Variants in ZNF793 observed in about 807,000 individuals in gnomAD.
The protein encoded by ZNF793 is zinc finger protein 793.
Under a neutral mutation model 12.4 loss-of-function variants are expected in ZNF793, and 5 were observed. That is an observed-to-expected ratio of 0.40 (90% confidence interval 0.21 to 0.84). The LOEUF (loss-of-function observed/expected upper bound fraction) is 0.84. ZNF793 is among the 40% of genes least tolerant of loss of function. The pLI, the probability that ZNF793 is intolerant of heterozygous loss-of-function variation, is 0.35. For missense variants in ZNF793, 456 were observed against 495.0 expected (o/e 0.92, Z 0.75); for synonymous variants, 162 against 172.4 (o/e 0.94, Z 0.47).
intron 2 of ZNF793, among the ~76,000 whole-genome samples, chr19:37,509,181 C>G (rs2147051315): frequency 6.6e-6 from 1 of 152,286 alleles, no homozygotes; most frequent in Non-Finnish European, 1.5e-5. Flanking sequence ...GTGTAACTAT[C>G]ACTTGAATAA....
chr19:37,521,340 C>T (rs1016139313), intron 3 of ZNF793, among the ~76,000 whole-genome samples: 1 of 150,812 alleles, frequency 6.6e-6, no homozygotes, highest in African/African-American at 2.4e-5. Flanking sequence ...CCAGGCTGGT[C>T]TCGAACTTAC....
chr19:37,512,341 C>T (rs2042300349), intron 2 of ZNF793, among the ~76,000 whole-genome samples: 1 of 151,876 alleles, frequency 6.6e-6, no homozygotes, highest in Non-Finnish European at 1.5e-5. Context: ...ATGATGAAAC[C>T]CTGTCTCTAC....
Position 37,508,285 on chromosome 19 carries a change from T to C in ZNF793, c.-394T>C, listed in dbSNP as rs1484313778. ...TTAAGGCTCTTTCTGGCAAAGGTAATGACATACGCATCTGTGCCAGCATCC... is the reference window on the plus strand; with the variant it reads ...TTAAGGCTCTTTCTGGCAAAGGTAACGACATACGCATCTGTGCCAGCATCC... On this transcript the variant is annotated 5_prime_UTR_variant, in exon 2 of 8. The change abolishes an upstream ATG in the 5' untranslated region. Coordinates refer to ENST00000627814, the MANE Select transcript of ZNF793 (RefSeq NM_001013659.3). 6.6e-6 allele frequency: 1 copy of C among 152,220 alleles called. No individual in the cohort carries two copies. The highest frequency in any genetic ancestry group is 1.5e-5 in the Non-Finnish European group (1 of 68,050). 9.4% of individuals were successfully genotyped at this position (152,220 alleles called of 1,614,324 possible). A position where few individuals can be genotyped will look rare whatever the true frequency, so the allele number is the denominator to read the frequency against.
chr19:37,533,560 G>T (rs2042479642), intron 7 of ZNF793, 157 bp downstream of exon 7: 1 of 620,990 alleles, frequency 1.6e-6, no homozygotes, highest in East Asian at 2.8e-5. Context: ...GCCCATATCT[G>T]AGTGTTTTTC....
chr19:37,537,272 A>G lies in ZNF793; in HGVS notation c.614A>G (p.Tyr205Cys), dbSNP rs2042513807. 6.2e-7 allele frequency: 1 copy of G among 1,613,894 alleles called. No homozygotes were observed. Among genetic ancestry groups the G allele is most frequent in the Non-Finnish European group, 8.5e-7 (1 of 1,179,888 alleles). The change falls in exon 8 of 8, where the codon TAT (tyrosine) becomes TGT (cysteine). Residue 205 changes from tyrosine to cysteine, a missense_variant. Transcript: ENST00000627814. ...TTCACCCAGAACCCGGCACTTATGTATAAACCAGCAGTAAGTGATTCTCTC... is the reference window on the plus strand; with the variant it reads ...TTCACCCAGAACCCGGCACTTATGTGTAAACCAGCAGTAAGTGATTCTCTC... ...KAFTQNPALM[Y>C]KPAVSDSLLY...
intron 5 of ZNF793, among the ~76,000 whole-genome samples, chr19:37,529,040 A>G (rs1460144889): frequency 6.6e-6 from 1 of 152,116 alleles, no homozygotes; most frequent in Non-Finnish European, 1.5e-5. Context: ...GTGTGGCGCC[A>G]TCATCACCCG....
intron 2 of ZNF793, among the ~76,000 whole-genome samples, chr19:37,513,747 A>T (rs570414016): frequency 6.6e-6 from 1 of 152,288 alleles, no homozygotes; most frequent in East Asian, 1.9e-4. Context: ...CCTAACTCTT[A>T]ATTTTGTTTA....
chr19:37,517,508 G>A (rs2042342145), intron 2 of ZNF793, among the ~76,000 whole-genome samples: 1 of 150,736 alleles, frequency 6.6e-6, no homozygotes, highest in Admixed American at 6.6e-5. Flanking sequence ...TGCTCTTTTA[G>A]AAGGCAAATC....
In ZNF793 at chr19:37,539,552, G is replaced by A. The variant is rs1031824548; in HGVS notation, c.*1673G>A. ...TGTCATCCATATTAGAAAATAAATG[G>A]CCATGTGGAATCTACATTTTTCAAG... On this transcript the variant is annotated 3_prime_UTR_variant, in exon 8 of 8. Transcript: ENST00000627814. The A allele has an allele frequency of 1.2e-4, 19 of 152,132 alleles. No homozygotes were observed. The highest frequency in any genetic ancestry group is 4.3e-4 in the African/African-American group (18 of 41,418). 9.4% of individuals were successfully genotyped at this position (152,132 alleles called of 1,614,324 possible). A position where few individuals can be genotyped will look rare whatever the true frequency, so the allele number is the denominator to read the frequency against.
intron 5 of ZNF793, among the ~76,000 whole-genome samples, chr19:37,530,915 C>G (rs572560097): frequency 6.6e-6 from 1 of 152,134 alleles, no homozygotes; most frequent in Non-Finnish European, 1.5e-5. Context: ...TTTTGTTGTG[C>G]TAGTGTGGAT....
At chr19:37,514,575 C>CAGATAGATAGATAGATAGATAGAT (rs57773647) in intron 2 of ZNF793, among the ~76,000 whole-genome samples, 16 of 149,162 alleles carry the variant, frequency 1.1e-4, no homozygotes, top group South Asian at 2.2e-4. Context: ...GATAGATAGA[C>CAGATAGATAGATAGATAGATAGAT]AGATAGATAG....
chr19:37,526,376 G>A (rs1336941231), intron 5 of ZNF793, among the ~76,000 whole-genome samples: 1 of 152,128 alleles, frequency 6.6e-6, no homozygotes, highest in Non-Finnish European at 1.5e-5. Context: ...GCCTCCCAAA[G>A]TGCTGGGATT....
chr19:37,513,967 C>A (rs899096673), intron 2 of ZNF793, among the ~76,000 whole-genome samples: 1 of 151,588 alleles, frequency 6.6e-6, no homozygotes, highest in Non-Finnish European at 1.5e-5. Flanking sequence ...GAAAAATTAA[C>A]GATCTAAAAA....
intron 5 of ZNF793, among the ~76,000 whole-genome samples, chr19:37,525,496 G>T (rs1042340733): frequency 4.7e-5 from 7 of 147,724 alleles, no homozygotes; most frequent in African/African-American, 1.0e-4. Context: ...GAGTGCAGTG[G>T]CACGATCTCG....
intron 3 of ZNF793, among the ~76,000 whole-genome samples, chr19:37,522,071 A>G (rs1352309020): frequency 6.6e-6 from 1 of 152,178 alleles, no homozygotes; most frequent in Admixed American, 6.5e-5. Flanking sequence ...GACACTGATT[A>G]CAAAGTCAGT....
intron 3 of ZNF793, among the ~76,000 whole-genome samples, chr19:37,521,350 C>G (rs576145016): frequency 6.6e-6 from 1 of 151,326 alleles, no homozygotes; most frequent in Non-Finnish European, 1.5e-5. Context: ...CTCGAACTTA[C>G]GACCTCAAGC....
chr19:37,537,600 T>G lies in ZNF793; in HGVS notation c.942T>G (p.Ser314Arg), dbSNP rs768351877. ...THTGERPFVC[S>R]ECGKSFGEKS... Reference sequence around the variant, plus strand: ...CAGGAGAGAGACCCTTTGTCTGCAGTGAATGCGGGAAATCGTTTGGTGAGA... The same window carrying G: ...CAGGAGAGAGACCCTTTGTCTGCAGGGAATGCGGGAAATCGTTTGGTGAGA... Residue 314 changes from serine (S) to arginine (R), a missense_variant, in exon 8 of 8, where the codon AGT (serine) becomes AGG (arginine). Transcript: ENST00000627814. The G allele has an allele frequency of 1.4e-5, 23 of 1,614,008 alleles. No homozygotes were observed. The highest frequency in any genetic ancestry group is 1.9e-5 in the Non-Finnish European group (22 of 1,180,026).
rs774489271 is a variant in ZNF793, at chr19:37,537,203, C to T, written c.545C>T (p.Pro182Leu). 1.2e-6 allele frequency: 2 copies of T among 1,613,850 alleles called. No homozygotes were observed. Among genetic ancestry groups the T allele is most frequent in the East Asian group, 2.2e-5 (1 of 44,884 alleles). Residue 182 changes from proline to leucine, a missense_variant, in exon 8 of 8, where the codon CCT (proline) becomes CTT (leucine). By Grantham distance (98) the Pro-to-Leu change is moderately conservative. Coordinates refer to ENST00000627814, the MANE Select transcript of ZNF793 (RefSeq NM_001013659.3). ...LLQRINHGRRPNGEKPRGCSH... is the reference protein window; with the variant it reads ...LLQRINHGRRLNGEKPRGCSH... Reference sequence around the variant, plus strand: ...CAGCGTATAAATCATGGTAGACGACCTAATGGAGAAAAGCCCCGGGGTTGC... The same window carrying T: ...CAGCGTATAAATCATGGTAGACGACTTAATGGAGAAAAGCCCCGGGGTTGC...
At chr19:37,528,942 T>C (rs1225272817) in intron 5 of ZNF793, among the ~76,000 whole-genome samples, 11 of 152,134 alleles carry the variant, frequency 7.2e-5, no homozygotes, top group Admixed American at 7.2e-4. Flanking sequence ...ATCTTGCTCC[T>C]GACACAAAAC....
Sources: allele counts gnomAD v4.1 joint callset (sites outside exome capture counted in the v4.1 genomes callset), GRCh38; gene constraint gnomAD v4.1.1; transcripts MANE v1.5; gene names NCBI Gene and HGNC (gene_info 2026-07-23, HGNC 2026-07-21).